FREM1: variants seen among roughly 807,000 people sequenced by gnomAD.
FREM1 encodes FRAS1-related extracellular matrix protein 1.
In FREM1, 220 loss-of-function variants were observed where a neutral mutation model predicts 210.1. The ratio of observed to expected loss-of-function variants is 1.05; its 90% confidence interval spans 0.94 to 1.17. FREM1 has a LOEUF of 1.17. FREM1 is among the 50% of genes most tolerant of loss of function. The pLI is 0.00. For missense variants in FREM1, 3,454 were observed against 2,675.5 expected (o/e 1.29, Z -6.42); for synonymous variants, 1,189 against 980.2 (o/e 1.21, Z -3.98).
chr9:14,905,905 A>G (rs78919586), intron 1 of FREM1, among the ~76,000 whole-genome samples: 1 of 40,558 alleles, frequency 2.5e-5, no homozygotes, highest in Non-Finnish European at 9.4e-5. Flanking sequence ...TTAAAAAAAG[A>G]AAAAAAAAAA....
intron 5 of FREM1, among the ~76,000 whole-genome samples, chr9:14,854,373 T>A (rs1828333821): frequency 6.6e-6 from 1 of 152,050 alleles, no homozygotes; most frequent in Non-Finnish European, 1.5e-5. Flanking sequence ...AAATGTCCAA[T>A]TATATGTACC....
At position 14,836,944 on chromosome 9, in the gene FREM1, G is replaced by C. The variant is rs971629533; in HGVS notation, c.1881+4503C>G. Among the ~76,000 whole-genome samples, 1 of 152,158 alleles carries C rather than the reference G, an allele frequency of 6.6e-6. No individual in the cohort carries two copies. Among genetic ancestry groups the C allele is most frequent in the African/African-American group, 2.4e-5 (1 of 41,434 alleles). On this transcript the variant is annotated intron_variant, in intron 10 of 36. Coordinates refer to ENST00000380880, the MANE Select transcript of FREM1 (RefSeq NM_001379081.2). This position sits in a 1 kb window ranked among gnomAD's most constrained non-coding sequence, Gnocchi z 4.9. The stretch of plus-strand genomic sequence containing the variant: ...AGATAGAGAGGAAAAGGGGTCCTTG[G>C]GTAGTTTTCGTCTTTTAAAGCATAT...
chr9:14,853,197 C>T (rs951016336), intron 5 of FREM1, among the ~76,000 whole-genome samples: 1 of 152,164 alleles, frequency 6.6e-6, no homozygotes, highest in East Asian at 1.9e-4. Context: ...AGGAAGCTAA[C>T]TGGCTGGAAG....
intron 1 of FREM1, among the ~76,000 whole-genome samples, chr9:14,907,794 G>A (rs1362635665): frequency 2.0e-5 from 3 of 152,206 alleles, no homozygotes; most frequent in African/African-American, 7.2e-5. Flanking sequence ...GCCCATATCT[G>A]TGTTTAGAAG....
chr9:14,897,637 C>A (rs1402904767), intron 1 of FREM1, among the ~76,000 whole-genome samples: 1 of 150,568 alleles, frequency 6.6e-6, no homozygotes, highest in Non-Finnish European at 1.5e-5. Flanking sequence ...TTTGCCCAGG[C>A]TGGAGTACAG....
chr9:14,747,311 GA>G lies in FREM1; in HGVS notation c.5961del (p.Gln1988LysfsTer30). 2 of 1,613,658 alleles carry G rather than the reference GA, an allele frequency of 1.2e-6. No homozygotes were observed. Among genetic ancestry groups the G allele is most frequent in the Non-Finnish European group, 1.7e-6 (2 of 1,179,794 alleles). On this transcript the variant is annotated frameshift_variant, in exon 33 of 37. Coordinates refer to ENST00000380880, the MANE Select transcript of FREM1 (RefSeq NM_001379081.2). LOFTEE classifies it high-confidence loss of function. ...GTTGTGGATTCCACCTTATCTGCTT[GA>G]GGCAGTTCTGCCACTTTGATTGTCT... ...PQKTIKVAELPQADKVESTTD... is the reference protein window; with the variant it reads ...PQKTIKVAELXQADKVESTTD...
intron 2 of FREM1, among the ~76,000 whole-genome samples, chr9:14,865,215 G>A (rs191409392): frequency 6.6e-6 from 1 of 152,028 alleles, no homozygotes; most frequent in Admixed American, 6.5e-5. Context: ...CTTTCTTACC[G>A]CTATATTTCC....
At chr9:14,822,308 G>C (rs533635562) in intron 13 of FREM1, among the ~76,000 whole-genome samples, 89 of 152,166 alleles carry the variant, frequency 5.8e-4, no homozygotes, top group Non-Finnish European at 1.1e-3. Context: ...AGCCCTTTTA[G>C]GCCCTCAGGG....
intron 25 of FREM1, among the ~76,000 whole-genome samples, chr9:14,774,720 T>G (rs1391968846): frequency 6.6e-6 from 1 of 152,156 alleles, no homozygotes; most frequent in African/African-American, 2.4e-5. Flanking sequence ...ATATACTTGA[T>G]GTGTTTTGAC....
intron 1 of FREM1, among the ~76,000 whole-genome samples, chr9:14,881,402 A>G (rs1834773634): frequency 1.3e-5 from 2 of 151,536 alleles, no homozygotes; most frequent in African/African-American, 4.9e-5. Flanking sequence ...TCTCAACAGG[A>G]AAAAAAAAGC....
intron 4 of FREM1, among the ~76,000 whole-genome samples, chr9:14,858,836 A>G (rs775055180): frequency 1.3e-5 from 2 of 152,180 alleles, no homozygotes; most frequent in Admixed American, 6.5e-5. Context: ...ACAGCTGACA[A>G]TGAGTACCTA....
At chr9:14,867,157 G>A (rs987944468) in intron 2 of FREM1, among the ~76,000 whole-genome samples, 1 of 152,154 alleles carries the variant, frequency 6.6e-6, no homozygotes, top group Non-Finnish European at 1.5e-5. Context: ...ACTGCAACCA[G>A]CCTGCATTTT....
chr9:14,899,440 C>T (rs949787201), intron 1 of FREM1, among the ~76,000 whole-genome samples: 5 of 152,164 alleles, frequency 3.3e-5, no homozygotes, highest in African/African-American at 7.2e-5. Flanking sequence ...TGGGATTAAA[C>T]GTGCTTCAAG....
chr9:14,770,658 A>G lies in FREM1; in HGVS notation c.5006T>C (p.Ile1669Thr), dbSNP rs1847377339. The G allele has an allele frequency of 2.5e-6, 4 of 1,613,630 alleles. No individual in the cohort carries two copies. Among genetic ancestry groups the G allele is most frequent in the Non-Finnish European group, 3.4e-6 (4 of 1,179,666 alleles). The change falls in exon 26 of 37, where the codon ATC becomes ACC. Residue 1669 changes from isoleucine to threonine, a missense_variant. By Grantham distance (89) the Ile-to-Thr change is moderately conservative (BLOSUM62 -1). Coordinates refer to ENST00000380880, the MANE Select transcript of FREM1 (RefSeq NM_001379081.2). ...SDPDTEDDQI[I>T]FKILQGPKHG... ...TTTTGGGCCTTGTAGAATTTTAAAG[A>G]TGATCTGATCGTCCTCAGTGTCAGG...
At chr9:14,882,978 T>C (rs1256675450) in intron 1 of FREM1, among the ~76,000 whole-genome samples, 1 of 147,546 alleles carries the variant, frequency 6.8e-6, no homozygotes, top group African/African-American at 2.5e-5. Context: ...CAATAATCTA[T>C]GTGGAAATAT....
chr9:14,757,220 T>C (rs1234670817), intron 28 of FREM1, among the ~76,000 whole-genome samples: 6 of 152,212 alleles, frequency 3.9e-5, no homozygotes, highest in Non-Finnish European at 8.8e-5. Flanking sequence ...TCTGAAGTCA[T>C]GGCCTTGAAT....
intron 27 of FREM1, among the ~76,000 whole-genome samples, chr9:14,760,606 G>A (rs1845311754): frequency 6.6e-6 from 1 of 152,050 alleles, no homozygotes; most frequent in African/African-American, 2.4e-5. Context: ...CATCTAGAGA[G>A]GAACATTTTT....
At chr9:14,833,337 A>T (rs1823928943) in intron 10 of FREM1, among the ~76,000 whole-genome samples, 1 of 152,186 alleles carries the variant, frequency 6.6e-6, no homozygotes, top group South Asian at 2.1e-4. Context: ...TATCTTGGGA[A>T]GCGGCTGTTA....
chr9:14,809,935 GCTA>G (rs1819096474), intron 16 of FREM1, among the ~76,000 whole-genome samples: 1 of 152,096 alleles, frequency 6.6e-6, no homozygotes, highest in African/African-American at 2.4e-5. Flanking sequence ...ACATGAAATT[GCTA>G]CTATTAAACC....
Sources: allele counts gnomAD v4.1 joint callset (sites outside exome capture counted in the v4.1 genomes callset), GRCh38; gene constraint gnomAD v4.1.1; non-coding constraint Gnocchi (gnomAD v3.1); transcripts MANE v1.5; gene names NCBI Gene and HGNC (gene_info 2026-07-23, HGNC 2026-07-21).